The following NWD1 variants were observed in gnomAD, a reference collection of about 807,000 sequenced individuals.
NWD1 encodes NACHT and WD repeat domain containing 1, also known as NACHT domain- and WD repeat-containing protein 1.
Under a neutral mutation model 135.1 loss-of-function variants are expected in NWD1, and 129 were observed. The observed-to-expected ratio is 0.96, with a 90% CI of 0.83 to 1.11. The LOEUF (loss-of-function observed/expected upper bound fraction) is 1.11. Among genes scored for constraint, NWD1 ranks in the 50% least tolerant of loss-of-function variants. The probability of loss-of-function intolerance (pLI) is 0.00; values close to 1 mark genes in which losing one functional copy is unlikely to be tolerated. For missense variants in NWD1, 1,740 were observed against 1,851.3 expected, an observed-to-expected ratio of 0.94 and a Z score of 1.10; for synonymous variants, 773 against 786.0, an observed-to-expected ratio of 0.98 and a Z score of 0.28.
intron 10 of NWD1, among the ~76,000 whole-genome samples, chr19:16,766,671 C>T (rs569537312): frequency 1.2e-4 from 19 of 152,226 alleles, no homozygotes; most frequent in Admixed American, 1.1e-3. Context: ...CTGCAACCTC[C>T]GCCTATCAGG....
intron 5 of NWD1, among the ~76,000 whole-genome samples, chr19:16,745,495 G>A (rs1221558375): frequency 4.6e-5 from 7 of 151,448 alleles, no homozygotes; most frequent in African/African-American, 7.3e-5. Flanking sequence ...TTGGAAGGCC[G>A]AGGCAGGAGA....
intron 12 of NWD1, among the ~76,000 whole-genome samples, chr19:16,783,788 G>T (rs1791220084): frequency 6.6e-6 from 1 of 151,848 alleles, no homozygotes; most frequent in South Asian, 2.1e-4. Flanking sequence ...GAAAAAAATA[G>T]TTAACTGCAT....
Position 16,750,242 on chromosome 19 carries a change from G to A in NWD1, c.1600G>A (p.Gly534Arg). 1.2e-6 allele frequency: 2 copies of A among 1,613,592 alleles called. No individual in the cohort carries two copies. The highest frequency in any genetic ancestry group is 2.2e-5 in the East Asian group (1 of 44,864). Reference sequence around the variant, plus strand: ...CAGCCTCCCAGAGTGTGGGAACCCAGGGCGGCTGAGGCTGGCGTTTGAGGA... The same window carrying A: ...CAGCCTCCCAGAGTGTGGGAACCCAAGGCGGCTGAGGCTGGCGTTTGAGGA... ...WASLPECGNPGRLRLAFEEAR... is the reference protein window; with the variant it reads ...WASLPECGNPRRLRLAFEEAR... The change falls in exon 6 of 19, where the codon GGG (glycine) becomes AGG (arginine). Residue 534 changes from glycine to arginine, a missense_variant. Coordinates refer to ENST00000524140, the MANE Select transcript of NWD1 (RefSeq NM_001007525.5).
intron 16 of NWD1, among the ~76,000 whole-genome samples, chr19:16,798,275 T>C (rs1194617893): frequency 2.0e-5 from 3 of 152,010 alleles, no homozygotes; most frequent in Admixed American, 6.6e-5. Flanking sequence ...TCTCTTTTTT[T>C]CCCCCTCCTT....
In NWD1 at chr19:16,749,865, A is replaced by G. The variant is rs534156745; in HGVS notation, c.1223A>G (p.Asp408Gly). The G allele has an allele frequency of 1.9e-6, 3 of 1,613,190 alleles. No individual in the cohort carries two copies. In the East Asian group the frequency reaches 6.7e-5, roughly 36 times the overall value. Reference sequence around the variant, plus strand: ...CCCTTGCCCCCTGCCCAGGTTCTGGACGCCCACACCAGGGTGGTCCAGTTT... The same window carrying G: ...CCCTTGCCCCCTGCCCAGGTTCTGGGCGCCCACACCAGGGTGGTCCAGTTT... ...GLPLPPAQVL[D>G]AHTRVVQFFH... Residue 408 changes from aspartate (D) to glycine (G), a missense_variant, in exon 6 of 19, where the codon GAC (aspartate) becomes GGC (glycine). Physicochemically the swap from Asp to Gly is moderately conservative, Grantham distance 94. Coordinates refer to ENST00000524140, the MANE Select transcript of NWD1 (RefSeq NM_001007525.5).
intron 12 of NWD1, among the ~76,000 whole-genome samples, chr19:16,787,936 TCATCATCATA>T (rs1970103058): frequency 8.0e-6 from 1 of 125,372 alleles, no homozygotes; most frequent in African/African-American, 3.2e-5. Context: ...ATCATCATCA[TCATCATCATA>T]GGCCAGGCGC....
rs1330015276 is a variant in NWD1 at position 16,744,366 on chromosome 19, G to A, written c.199-55G>A. The A allele has an allele frequency of 2.7e-6, 4 of 1,484,792 alleles. No homozygotes were observed. The South Asian group carries it at 3.6e-5, about 13-fold the overall frequency. 92.0% of individuals were successfully genotyped at this position (1,484,792 alleles called of 1,614,324 possible). ...CACTCCAGCCTGGGCGACAGAGCAA[G>A]ACCTTGTCTGAAGAAAAAAAGTGAG... On this transcript the variant is annotated intron_variant, in intron 4 of 18. Coordinates refer to ENST00000524140, the MANE Select transcript of NWD1 (RefSeq NM_001007525.5).
intron 7 of NWD1, among the ~76,000 whole-genome samples, chr19:16,760,685 G>C (rs1968975870): frequency 6.6e-6 from 1 of 152,146 alleles, no homozygotes; most frequent in Non-Finnish European, 1.5e-5. Flanking sequence ...CTGCCTCCCA[G>C]GTTTCAGCGA....
At position 16,807,516 on chromosome 19, in the gene NWD1, A is replaced by T. The variant is rs76935346; in HGVS notation, c.3737-70A>T. 4.6e-5 allele frequency: 61 copies of T among 1,318,130 alleles called. No individual in the cohort carries two copies. In the East Asian group the frequency reaches 1.4e-3, roughly 31 times the overall value. The allele number at this position is 1,318,130 out of a possible 1,614,324, so 81.7% of individuals were successfully genotyped here. A position where few individuals can be genotyped will look rare whatever the true frequency, so the allele number is the denominator to read the frequency against. ...TCAAAAACAAAACAAAACAAAAAAA[A>T]CCACCAGGGAAGCAGGGCTGCTGTG... On this transcript the variant is annotated intron_variant, in intron 17 of 18. Transcript: ENST00000524140.
Position 16,762,142 on chromosome 19 carries a change from A to C in NWD1, c.2133+4A>C, listed in dbSNP as rs576322915. On this transcript the variant is annotated splice_donor_region_variant and intron_variant, in intron 8 of 18. Transcript: ENST00000524140. The stretch of plus-strand genomic sequence containing the variant: ...ACCACTGAACTTGGACCGAAAGGTG[A>C]GGTACCTGGGACCCCCATTCCCCAC... 6.2e-7 allele frequency: 1 copy of C among 1,610,986 alleles called. No homozygotes were observed. Among genetic ancestry groups the C allele is most frequent in the Non-Finnish European group, 8.5e-7 (1 of 1,177,736 alleles).
At chr19:16,735,821 G>A (rs149454937) in intron 3 of NWD1, among the ~76,000 whole-genome samples, 32 of 57,804 alleles carry the variant, frequency 5.5e-4, no homozygotes, top group African/African-American at 6.6e-4. Flanking sequence ...AAGGAAGGAA[G>A]GAAGGAAAGA....
At chr19:16,735,861 GGAA>G in intron 3 of NWD1, among the ~76,000 whole-genome samples, 1 of 53,028 alleles carries the variant, frequency 1.9e-5, no homozygotes, top group Non-Finnish European at 4.1e-5. Context: ...AAGGAAGGAA[GGAA>G]GGAGGAAGGA....
At chr19:16,789,255 C>T (rs971043006) in intron 13 of NWD1, 65 bp downstream of exon 13, 1 of 1,314,774 alleles carries the variant, frequency 7.6e-7, no homozygotes, top group African/African-American at 1.5e-5. Context: ...ACAGAATAGG[C>T]CATTTCTATA....
chr19:16,791,288 C>G, intron 13 of NWD1, 62 bp from the exon 14 acceptor site: 1 of 1,483,856 alleles, frequency 6.7e-7, no homozygotes, highest in Admixed American at 1.8e-5. Flanking sequence ...GCATTTGACT[C>G]CGGGAAACTT....
chr19:16,731,534 T>G (rs1406188400), intron 3 of NWD1, among the ~76,000 whole-genome samples: 2 of 151,428 alleles, frequency 1.3e-5, no homozygotes, highest in Non-Finnish European at 2.9e-5. Context: ...CTTGATCTCT[T>G]GACCTTGTGA....
intron 18 of NWD1, among the ~76,000 whole-genome samples, chr19:16,809,541 T>TTTTTTC (rs1319907320): frequency 6.9e-6 from 1 of 145,876 alleles, no homozygotes; most frequent in East Asian, 2.0e-4. Context: ...ATTTCTTTTT[T>TTTTTTC]TTTTTCTTTT....
At chr19:16,745,594 G>A (rs1392229655) in intron 5 of NWD1, among the ~76,000 whole-genome samples, 2 of 151,566 alleles carry the variant, frequency 1.3e-5, no homozygotes, top group East Asian at 3.9e-4. Context: ...TTAAAAATTT[G>A]CCAAATGTGG....
At position 16,750,067 on chromosome 19, in the gene NWD1, T is replaced by G; in HGVS notation, c.1425T>G (p.Val475=). Reference sequence around the variant, plus strand: ...CAGCTTGCTCGGGGGCACTGGGGGTTTTGGACACCTTGCAGCGGGTGCTCC... The same window carrying G: ...CAGCTTGCTCGGGGGCACTGGGGGTGTTGGACACCTTGCAGCGGGTGCTCC... The part of the protein sequence containing the change: ...ILSACSGALG[V]LDTLQRVLLD... Residue 475 remains valine (V), a synonymous_variant, in exon 6 of 19, where the codon GTT becomes GTG. Transcript: ENST00000524140. The G allele has an allele frequency of 6.2e-7, 1 of 1,613,912 alleles. No homozygotes were observed. The highest frequency in any genetic ancestry group is 8.5e-7 in the Non-Finnish European group (1 of 1,179,968).
chr19:16,734,733 G>GTTATTTATTTATTTAT (rs1568336516), intron 3 of NWD1, among the ~76,000 whole-genome samples: 1 of 108,932 alleles, frequency 9.2e-6, no homozygotes, highest in African/African-American at 4.2e-5. Context: ...ACTACACCTG[G>GTTATTTATTTATTTAT]CTATTTATTT....
Sources: allele counts gnomAD v4.1 joint callset (sites outside exome capture counted in the v4.1 genomes callset), GRCh38; gene constraint gnomAD v4.1.1; transcripts MANE v1.5; gene names NCBI Gene and HGNC (gene_info 2026-07-23, HGNC 2026-07-21).